SPAST: variants seen among roughly 807,000 people sequenced by gnomAD.
SPAST encodes the protein spastic paraplegia 4 (autosomal dominant; spastin).
SPAST carries 30 observed loss-of-function variants against 76.6 expected under a neutral mutation model. The ratio of observed to expected loss-of-function variants is 0.39; its 90% CI spans 0.29 to 0.53. The LOEUF is 0.53. Among genes scored for constraint, SPAST ranks in the 20% least tolerant of loss-of-function variants. The pLI, the probability that SPAST is intolerant of heterozygous loss-of-function variation, is 0.68. For missense variants in SPAST, 717 were observed against 770.5 expected, an observed-to-expected ratio of 0.93 and a Z score of 0.82; for synonymous variants, 305 against 281.0, an observed-to-expected ratio of 1.09 and a Z score of -0.86.
intron 4 of SPAST, among the ~76,000 whole-genome samples, chr2:32,103,850 G>T (rs1409121955): frequency 6.6e-6 from 1 of 152,116 alleles, no homozygotes; most frequent in Non-Finnish European, 1.5e-5. Context: ...TGTAATTTCT[G>T]TTCTTTTACA....
intron 7 of SPAST, among the ~76,000 whole-genome samples, chr2:32,117,092 T>A (rs1270574337): frequency 6.6e-6 from 1 of 151,650 alleles, no homozygotes; most frequent in Non-Finnish European, 1.5e-5. Context: ...AACCCTGTCT[T>A]TACTAAAATT....
chr2:32,071,719 C>G (rs1309526572), intron 1 of SPAST, among the ~76,000 whole-genome samples: 2 of 152,138 alleles, frequency 1.3e-5, no homozygotes, highest in East Asian at 1.9e-4. Flanking sequence ...GGCAATTGGT[C>G]AAAAGAGCTT....
Position 32,109,926 on chromosome 2 carries a change from A to G in SPAST, c.683-4712A>G, listed in dbSNP as rs189143202. On this transcript the variant is annotated intron_variant, in intron 4 of 16. Transcript: ENST00000315285. Reference sequence around the variant, plus strand: ...CATACACATATATAGTTACATATGTATATGCATATACATATATAGTTACAT... The same window carrying G: ...CATACACATATATAGTTACATATGTGTATGCATATACATATATAGTTACAT... Among the ~76,000 whole-genome samples, 365 of 148,600 alleles carry G rather than the reference A, an allele frequency of 2.5e-3. 5 individuals carry two copies. The highest frequency in any genetic ancestry group is 8.7e-3 in the African/African-American group (356 of 40,810).
chr2:32,117,362 T>G (rs1157255080), intron 7 of SPAST, among the ~76,000 whole-genome samples: 1 of 151,986 alleles, frequency 6.6e-6, no homozygotes, highest in Non-Finnish European at 1.5e-5. Flanking sequence ...TTTCCCAGAA[T>G]TGGATTGCTT....
intron 9 of SPAST, among the ~76,000 whole-genome samples, chr2:32,134,218 G>A (rs898173331): frequency 2.6e-5 from 4 of 151,878 alleles, no homozygotes; most frequent in Admixed American, 6.6e-5. Context: ...AAAAATTCTG[G>A]GGGGCCGAAT....
rs577475270 is a variant in SPAST at position 32,154,760 on chromosome 2, A to C, written c.*264A>C. 2.5e-4 allele frequency: 110 copies of C among 439,476 alleles called. No homozygotes were observed. The South Asian group carries it at 2.8e-3, about 11-fold the overall frequency. 27.2% of individuals were successfully genotyped at this position (439,476 alleles called of 1,614,324 possible). On this transcript the variant is annotated 3_prime_UTR_variant, in exon 17 of 17. Coordinates refer to ENST00000315285, the MANE Select transcript of SPAST (RefSeq NM_014946.4). ...CTAAGTTAGAGCACAACAAAACCTG[A>C]TTCTGGTCTTCTTTACCAATATAAT...
At chr2:32,098,952 T>TTGC in intron 4 of SPAST, 61 bp downstream of exon 4, 6 of 1,071,348 alleles carry the variant, frequency 5.6e-6, no homozygotes, top group Non-Finnish European at 7.3e-6. Flanking sequence ...GAGTCTTACT[T>TTGC]AACCTGATAA....
At chr2:32,134,039 T>G (rs981058889) in intron 9 of SPAST, among the ~76,000 whole-genome samples, 6 of 152,196 alleles carry the variant, frequency 3.9e-5, no homozygotes, top group East Asian at 1.9e-4. Flanking sequence ...TCTATTTATT[T>G]ATTGATTTAT....
chr2:32,066,502 T>C (rs1676516640), intron 1 of SPAST, among the ~76,000 whole-genome samples: 2 of 151,926 alleles, frequency 1.3e-5, no homozygotes, highest in Non-Finnish European at 1.5e-5. Flanking sequence ...ATCCCATCTC[T>C]ACTAAAAATA....
intron 4 of SPAST, 98 bp from the exon 5 acceptor site, chr2:32,114,540 A>T (rs1678748323): frequency 2.2e-6 from 2 of 928,344 alleles, no homozygotes; most frequent in East Asian, 2.6e-5. Flanking sequence ...TTTTTGAATT[A>T]AAAAAATATA....
At chr2:32,074,272 C>G (rs1027194652) in intron 1 of SPAST, among the ~76,000 whole-genome samples, 3 of 152,104 alleles carry the variant, frequency 2.0e-5, no homozygotes, top group Non-Finnish European at 2.9e-5. Context: ...AAAGGTCACT[C>G]CTTATCTGGA....
At chr2:32,145,720 T>G (rs1475583151) in intron 15 of SPAST, among the ~76,000 whole-genome samples, 1 of 152,222 alleles carries the variant, frequency 6.6e-6, no homozygotes, top group Non-Finnish European at 1.5e-5. Context: ...CTTGGTTGAT[T>G]CTGAAATACC....
chr2:32,089,954 C>G (rs1283131104), intron 3 of SPAST, among the ~76,000 whole-genome samples: 2 of 152,172 alleles, frequency 1.3e-5, no homozygotes, highest in African/African-American at 4.8e-5. Flanking sequence ...TTAGTAGAGA[C>G]AGGGTTTCAC....
chr2:32,149,366 A>G (rs1573178303), intron 16 of SPAST, among the ~76,000 whole-genome samples: 1 of 151,754 alleles, frequency 6.6e-6, no homozygotes, highest in Non-Finnish European at 1.5e-5. Flanking sequence ...CCTAAGTGCA[A>G]GGATTACAGG....
At chr2:32,109,173 A>C (rs1678436818) in intron 4 of SPAST, among the ~76,000 whole-genome samples, 1 of 151,928 alleles carries the variant, frequency 6.6e-6, no homozygotes, top group Non-Finnish European at 1.5e-5. Context: ...CAGTGGCACG[A>C]TTTCAGCTCA....
intron 9 of SPAST, among the ~76,000 whole-genome samples, chr2:32,136,096 A>G (rs1679527730): frequency 1.3e-5 from 2 of 152,120 alleles, no homozygotes; most frequent in Admixed American, 6.6e-5. Context: ...AAAGGAAAAA[A>G]AAAAAAGAAA....
chr2:32,072,905 C>T (rs975267666), intron 1 of SPAST, among the ~76,000 whole-genome samples: 3 of 152,178 alleles, frequency 2.0e-5, no homozygotes, highest in Non-Finnish European at 4.4e-5. Context: ...AGGAATAAAT[C>T]TGATAAATGG....
At chr2:32,105,875 G>A (rs1376920990) in intron 4 of SPAST, among the ~76,000 whole-genome samples, 2 of 152,178 alleles carry the variant, frequency 1.3e-5, no homozygotes, top group African/African-American at 4.8e-5. Flanking sequence ...GCCCGTATGG[G>A]GAGGTGTCTC....
intron 1 of SPAST, among the ~76,000 whole-genome samples, chr2:32,083,693 G>C (rs1005046206): frequency 1.4e-4 from 18 of 126,268 alleles, no homozygotes; most frequent in African/African-American, 5.3e-4. Context: ...GCTATATATA[G>C]AGTATATATA....
Sources: gnomAD v4.1 joint callset for allele counts (sites outside exome capture counted in the v4.1 genomes callset) on GRCh38, gnomAD v4.1.1 for gene constraint, MANE v1.5 for transcripts, NCBI Gene and HGNC (gene_info 2026-07-23, HGNC 2026-07-21) for gene names.